Variants in DNAJB1 observed in about 807,000 individuals in gnomAD.
DNAJB1 encodes DnaJ heat shock protein family (Hsp40) member B1.
A neutral mutation model predicts 24.0 loss-of-function variants in DNAJB1; 14 were observed. That is an observed-to-expected ratio of 0.58 (90% CI 0.39 to 0.91). DNAJB1 has a LOEUF of 0.91. DNAJB1 is among the 40% of genes least tolerant of loss of function. The pLI, the probability that DNAJB1 is intolerant of heterozygous loss-of-function variation, is 0.00. For missense variants in DNAJB1, 517 were observed against 458.1 expected, an observed-to-expected ratio of 1.13 and a Z score of -1.17; for synonymous variants, 262 against 174.4, an observed-to-expected ratio of 1.50 and a Z score of -3.96.
chr19:14,515,561 G>C lies in DNAJB1; in HGVS notation c.*379C>G, dbSNP rs2072241064. ...GGAGTGTACAGGGTCTGGGAATCAAGACTGCAGGTTGACATTATCTACCAG... is the reference window on the plus strand; with the variant it reads ...GGAGTGTACAGGGTCTGGGAATCAACACTGCAGGTTGACATTATCTACCAG... On this transcript the variant is annotated 3_prime_UTR_variant, in exon 3 of 3. Transcript: ENST00000254322. The C allele has an allele frequency of 4.1e-6, 1 of 244,680 alleles. No individual in the cohort carries two copies. The highest frequency in any genetic ancestry group is 5.8e-5 in the Admixed American group (1 of 17,240). The allele number at this position is 244,680 out of a possible 1,614,324, so 15.2% of individuals were successfully genotyped here.
At chr19:14,528,875 C>A (rs950190180) in intron 1 of DNAJB1, among the ~76,000 whole-genome samples, 3 of 152,052 alleles carry the variant, frequency 2.0e-5, no homozygotes, top group Non-Finnish European at 4.4e-5. Flanking sequence ...ACCCGGGAGG[C>A]GGAGGTTGCG....
At chr19:14,522,683 G>GACACACACAC (rs56121204), upstream of DNAJB1, among the ~76,000 whole-genome samples, 133 of 117,900 alleles carry the variant, frequency 1.1e-3, no homozygotes, top group South Asian at 4.4e-3. Flanking sequence ...CACACACACA[G>GACACACACAC]ACACACACAC....
At chr19:14,533,486 C>T (rs1363034590), upstream of DNAJB1, among the ~76,000 whole-genome samples, 2 of 152,106 alleles carry the variant, frequency 1.3e-5, no homozygotes, top group African/African-American at 4.8e-5. Flanking sequence ...CTCAAGCAGT[C>T]TGTTGTCCAC....
chr19:14,531,791 C>T (rs2072677634), upstream of DNAJB1: 1 of 152,074 alleles, frequency 6.6e-6, no homozygotes, highest in South Asian at 2.1e-4. Flanking sequence ...GGTTTGTATT[C>T]AATAATCTCT....
intron 1 of DNAJB1, among the ~76,000 whole-genome samples, chr19:14,541,139 T>G (rs1192295802): frequency 1.3e-5 from 2 of 152,208 alleles, no homozygotes; most frequent in East Asian, 3.9e-4. Flanking sequence ...GCCTGGCTAA[T>G]TTTTAAAGGA....
intron 1 of DNAJB1, among the ~76,000 whole-genome samples, chr19:14,542,275 G>T (rs2073119180): frequency 6.9e-6 from 1 of 143,944 alleles, no homozygotes; most frequent in South Asian, 2.2e-4. Context: ...ACATTCTACT[G>T]ATTTTACCTA....
At chr19:14,551,961 CTCTCT>C (rs2073534298), upstream of DNAJB1, among the ~76,000 whole-genome samples, 1 of 120,368 alleles carries the variant, frequency 8.3e-6, no homozygotes, top group Non-Finnish European at 1.7e-5. Context: ...CTCTCTCTCT[CTCTCT>C]CTCTCTTTCT....
At chr19:14,560,364 C>G (rs1397566743), upstream of DNAJB1, among the ~76,000 whole-genome samples, 3 of 152,194 alleles carry the variant, frequency 2.0e-5, no homozygotes, top group Non-Finnish European at 4.4e-5. Context: ...TCCTACAGGC[C>G]ACACGGGCTT....
chr19:14,542,218 A>G (rs994202745), intron 1 of DNAJB1, among the ~76,000 whole-genome samples: 2 of 150,772 alleles, frequency 1.3e-5, no homozygotes, highest in African/African-American at 2.4e-5. Flanking sequence ...TCCTGCCTTG[A>G]CCTCCCAAAG....
chr19:14,533,504 T>C (rs1399493419), upstream of DNAJB1, among the ~76,000 whole-genome samples: 1 of 152,112 alleles, frequency 6.6e-6, no homozygotes, highest in African/African-American at 2.4e-5. Flanking sequence ...CACTGAAAGG[T>C]TGGCCCCTGG....
chr19:14,540,568 T>C (rs1459042989), intron 1 of DNAJB1, among the ~76,000 whole-genome samples: 1 of 151,920 alleles, frequency 6.6e-6, no homozygotes, highest in Non-Finnish European at 1.5e-5. Flanking sequence ...ATTTTTGTAT[T>C]TTTAGTACAG....
At chr19:14,522,549 A>T (rs1459046125), upstream of DNAJB1, among the ~76,000 whole-genome samples, 2 of 151,826 alleles carry the variant, frequency 1.3e-5, no homozygotes, top group Non-Finnish European at 2.9e-5. Flanking sequence ...CGGCAGAAAA[A>T]GCATCAGCTC....
At chr19:14,545,445 C>T (rs553889761) in intron 1 of DNAJB1, among the ~76,000 whole-genome samples, 5 of 152,326 alleles carry the variant, frequency 3.3e-5, no homozygotes, top group East Asian at 1.9e-4. Context: ...CCTGGTACAT[C>T]GTGACCCCGT....
rs368185901 is a variant in DNAJB1, at chr19:14,542,039, T to C, written c.-214+8169A>G. ...CTCAAGTGATCCGCCCACCTCGGCCTTCCAGAATGCTGGGATTACAGGCGT... is the reference window on the plus strand; with the variant it reads ...CTCAAGTGATCCGCCCACCTCGGCCCTCCAGAATGCTGGGATTACAGGCGT... On this transcript the variant is annotated intron_variant, in intron 1 of 3. Transcript: ENST00000676982. Among the ~76,000 whole-genome samples, 15 of 152,286 alleles carry C rather than the reference T, an allele frequency of 9.8e-5. No individual in the cohort carries two copies. In the East Asian group the frequency reaches 2.7e-3, roughly 27 times the overall value.
chr19:14,529,420 A>ATT, upstream of DNAJB1: 1 of 603,816 alleles, frequency 1.7e-6, no homozygotes, highest in Non-Finnish European at 3.0e-6. Context: ...CCCCTCCTAC[A>ATT]GGCGTTCCGC....
chr19:14,541,123 G>A (rs1160808483), intron 1 of DNAJB1, among the ~76,000 whole-genome samples: 1 of 152,076 alleles, frequency 6.6e-6, no homozygotes, highest in African/African-American at 2.4e-5. Context: ...ACTGTTCCCG[G>A]CCAGTGCCTG....
chr19:14,540,399 A>T (rs1303715431), intron 1 of DNAJB1, among the ~76,000 whole-genome samples: 2 of 148,228 alleles, frequency 1.3e-5, no homozygotes, highest in Admixed American at 6.8e-5. Flanking sequence ...TTATTAAAAA[A>T]TGTGTGTTTT....
chr19:14,518,318 A>T lies in DNAJB1; in HGVS notation c.32T>A (p.Leu11Gln). 13 of 1,604,328 alleles carry T rather than the reference A, an allele frequency of 8.1e-6. No individual in the cohort carries two copies. The highest frequency in any genetic ancestry group is 1.1e-5 in the Non-Finnish European group (13 of 1,177,794). ...CTCCTCGTCCGACGCGCCGCGGGCC[A>T]GGCCCAACGTCTGGTAGTAGTCTTT... MGKDYYQTLG[L>Q]ARGASDEEIK... is the part of the protein sequence containing the mutation. Residue 11 changes from leucine to glutamine, a missense_variant, in exon 1 of 3, where the codon CTG becomes CAG. Physicochemically the swap from Leu to Gln is moderately radical, Grantham distance 113 (BLOSUM62 -2). Coordinates refer to ENST00000254322, the MANE Select transcript of DNAJB1 (RefSeq NM_006145.3).
rs1301550417 is a variant in DNAJB1, at chr19:14,518,386, T to TC, written c.-38dup. On this transcript the variant is annotated 5_prime_UTR_variant, in exon 1 of 3. Coordinates refer to ENST00000254322, the MANE Select transcript of DNAJB1 (RefSeq NM_006145.3). The stretch of plus-strand genomic sequence containing the variant: ...GCGGCCCGCCGACCCGCTGTCGCCG[T>TC]CCCCCGGCTCCGCCGCCGACCAGTC... 6.6e-7 allele frequency: 1 copy of TC among 1,511,958 alleles called. No individual in the cohort carries two copies. Among genetic ancestry groups the TC allele is most frequent in the South Asian group, 1.3e-5 (1 of 78,142 alleles). 93.7% of individuals were successfully genotyped at this position (1,511,958 alleles called of 1,614,324 possible).
Sources: gnomAD v4.1 joint callset for allele counts (sites outside exome capture counted in the v4.1 genomes callset) on GRCh38, gnomAD v4.1.1 for gene constraint, MANE v1.5 for transcripts, NCBI Gene and HGNC (gene_info 2026-07-23, HGNC 2026-07-21) for gene names.